The following CMTR1 variants were observed in gnomAD, a reference collection of about 807,000 sequenced individuals.
CMTR1 encodes the protein cap methyltransferase 1.
In CMTR1, 39 loss-of-function variants were observed where a neutral mutation model predicts 107.0. The ratio of observed to expected loss-of-function variants is 0.36; its 90% CI spans 0.28 to 0.48. CMTR1 has a LOEUF of 0.48. Ranked by LOEUF, CMTR1 falls within the 20% of genes least tolerant of loss-of-function variation. CMTR1 has a pLI of 0.99. For missense variants in CMTR1, 672 were observed against 1,064.9 expected (o/e 0.63, Z 5.14); for synonymous variants, 366 against 379.5 (o/e 0.96, Z 0.41).
chr6:37,475,397 A>C lies in CMTR1; in HGVS notation c.2021A>C (p.Gln674Pro), dbSNP rs751586820. The change falls in exon 19 of 24, where the codon CAG becomes CCG. Residue 674 changes from glutamine to proline, a missense_variant. Around this residue, in one of 2 missense-constraint regions of CMTR1, gnomAD observed 583 missense variants for 968.4 expected, o/e 0.60. Coordinates refer to ENST00000373451, the MANE Select transcript of CMTR1 (RefSeq NM_015050.3). Reference protein sequence around the residue: ...LVLNGTDVREQHFNQRIQLAE... With the variant: ...LVLNGTDVREPHFNQRIQLAE... Reference sequence around the variant, plus strand: ...CTGAATGGCACCGACGTTCGGGAGCAGCACTTTAACCAGCGGTCTGACCTG... The same window carrying C: ...CTGAATGGCACCGACGTTCGGGAGCCGCACTTTAACCAGCGGTCTGACCTG... 1 of 1,609,018 alleles carries C rather than the reference A, an allele frequency of 6.2e-7. No homozygotes were observed. The highest frequency in any genetic ancestry group is 1.1e-5 in the South Asian group (1 of 90,922).
chr6:37,461,625 C>T lies in CMTR1; in HGVS notation c.1172C>T (p.Ala391Val), dbSNP rs759199278. 7 of 1,609,658 alleles carry T rather than the reference C, an allele frequency of 4.3e-6. No homozygotes were observed. The highest frequency in any genetic ancestry group is 1.1e-5 in the South Asian group (1 of 90,732). Residue 391 changes from alanine to valine, a missense_variant, in exon 11 of 24, where the codon GCG becomes GTG. Transcript: ENST00000373451. ...KQLLLCQFLM[A>V]LSIVRTGGHF... ...CTGCTTCTGTGTCAGTTCCTCATGG[C>T]GCTGTCCATTGTCCGGACAGGTGAC...
chr6:37,477,651 G>C lies in CMTR1; in HGVS notation c.2153+12G>C. The C allele has an allele frequency of 6.2e-7, 1 of 1,610,552 alleles. No homozygotes were observed. The highest frequency in any genetic ancestry group is 8.5e-7 in the Non-Finnish European group (1 of 1,177,484). ...AAGATTTTTGTCAGGTGAGTGACTTGACCGGTGAAGCTCAGATTCAAGAGG... is the reference window on the plus strand; with the variant it reads ...AAGATTTTTGTCAGGTGAGTGACTTCACCGGTGAAGCTCAGATTCAAGAGG... On this transcript the variant is annotated intron_variant, in intron 21 of 23. Coordinates refer to ENST00000373451, the MANE Select transcript of CMTR1 (RefSeq NM_015050.3).
intron 13 of CMTR1, among the ~76,000 whole-genome samples, chr6:37,469,220 GTT>G (rs1761574141): frequency 6.6e-6 from 1 of 151,916 alleles, no homozygotes; most frequent in Non-Finnish European, 1.5e-5. Context: ...GGAATTTGAG[GTT>G]GATGTTTTTT....
chr6:37,449,648 G>C (rs970234647), intron 4 of CMTR1, among the ~76,000 whole-genome samples: 3 of 152,286 alleles, frequency 2.0e-5, no homozygotes, highest in East Asian at 3.9e-4. Flanking sequence ...TGATCCTAAT[G>C]CACCGTTTTG....
intron 3 of CMTR1, 39 bp from the exon 4 acceptor site, chr6:37,446,252 G>T: frequency 6.2e-7 from 1 of 1,606,776 alleles, no homozygotes; most frequent in Non-Finnish European, 8.5e-7. Context: ...AATGTCTGTT[G>T]AACCTAATTA....
chr6:37,436,908 T>A (rs1383069524), intron 2 of CMTR1, among the ~76,000 whole-genome samples: 1 of 152,152 alleles, frequency 6.6e-6, no homozygotes, highest in African/African-American at 2.4e-5. Context: ...ACTGAAAGGG[T>A]GTGAAGCACC....
At position 37,466,351 on chromosome 6, in the gene CMTR1, G is replaced by GTC. The variant is rs200578736; in HGVS notation, c.1505+3346_1505+3347dup. ...TGGTCTCGATCTCTTGGCCAGGATG[G>GTC]TCTCAATCTCTTGACTTCGTGATCC... On this transcript the variant is annotated intron_variant, in intron 13 of 23. Transcript: ENST00000373451. Among the ~76,000 whole-genome samples the GTC allele has an allele frequency of 1.6e-3, 236 of 152,160 alleles. 4 individuals are homozygous for GTC. The East Asian group carries it at 0.037, about 24-fold the overall frequency.
chr6:37,425,678 G>A, the CMTR1 span, among the ~76,000 whole-genome samples: 2 of 152,128 alleles, frequency 1.3e-5, no homozygotes, highest in Non-Finnish European at 2.9e-5. Context: ...GTGGTCATTT[G>A]TATGTGAAGA....
At position 37,463,019 on chromosome 6, in the gene CMTR1, G is replaced by A. The variant is rs1231151151; in HGVS notation, c.1505+11G>A. The A allele has an allele frequency of 8.7e-6, 14 of 1,612,118 alleles. No individual in the cohort carries two copies. The highest frequency in any genetic ancestry group is 4.5e-5 in the East Asian group (2 of 44,850). On this transcript the variant is annotated intron_variant, in intron 13 of 23. Coordinates refer to ENST00000373451, the MANE Select transcript of CMTR1 (RefSeq NM_015050.3). ...ACGGTCCAATGAGAGGTAAGCCAAC[G>A]GGCTGGTTTTTGCTGGTAACACTGA...
At chr6:37,438,296 C>T (rs1261514172) in intron 2 of CMTR1, among the ~76,000 whole-genome samples, 1 of 152,066 alleles carries the variant, frequency 6.6e-6, no homozygotes, top group Non-Finnish European at 1.5e-5. Context: ...GGGAGGATCA[C>T]TTGAGCCTAG....
intron 4 of CMTR1, 128 bp downstream of exon 4, chr6:37,446,577 G>T (rs936703693): frequency 1.0e-5 from 11 of 1,093,560 alleles, no homozygotes; most frequent in Admixed American, 2.4e-5. Flanking sequence ...AGTTTTTTAC[G>T]TGGAAAGTAC....
chr6:37,426,009 T>A, the CMTR1 span, among the ~76,000 whole-genome samples: 1 of 152,200 alleles, frequency 6.6e-6, no homozygotes, highest in African/African-American at 2.4e-5. Flanking sequence ...ATAATTAACA[T>A]TGTCCTATCT....
rs971484263 is a variant in CMTR1 at position 37,472,679 on chromosome 6, A to G, written c.1689+192A>G. On this transcript the variant is annotated intron_variant, in intron 16 of 23. Coordinates refer to ENST00000373451, the MANE Select transcript of CMTR1 (RefSeq NM_015050.3). This position sits in a 1 kb window ranked among gnomAD's most constrained non-coding sequence, Gnocchi z 4.1. ...AGGGTGTTGAATTCCCCAAGAGCAC[A>G]GTCAGGCCAACGGAAGATTCTCATG... Among the ~76,000 whole-genome samples, 5 of 152,256 alleles carry G rather than the reference A, an allele frequency of 3.3e-5. No individual in the cohort carries two copies. Among genetic ancestry groups the G allele is most frequent in the African/African-American group, 1.2e-4 (5 of 41,464 alleles).
At position 37,480,228 on chromosome 6, in the gene CMTR1, C is replaced by T. The variant is rs1581758610; in HGVS notation, c.*83C>T. On this transcript the variant is annotated 3_prime_UTR_variant, in exon 24 of 24. Transcript: ENST00000373451. ...CTGGGGCCCACAGTGCTGGCTTCTTCCCCCTCTTGAAAAGGGACTGGGGAG... is the reference window on the plus strand; with the variant it reads ...CTGGGGCCCACAGTGCTGGCTTCTTTCCCCTCTTGAAAAGGGACTGGGGAG... 6.4e-7 allele frequency: 1 copy of T among 1,558,410 alleles called. No individual in the cohort carries two copies. The highest frequency in any genetic ancestry group is 8.6e-7 in the Non-Finnish European group (1 of 1,163,156).
intron 20 of CMTR1, 139 bp downstream of exon 20, chr6:37,476,333 GT>G (rs965839571): frequency 2.4e-6 from 2 of 849,600 alleles, no homozygotes; most frequent in African/African-American, 3.3e-5. Flanking sequence ...CATGAAGTTT[GT>G]TTGGGGGTGC....
chr6:37,467,599 T>G (rs1761534072), intron 13 of CMTR1, among the ~76,000 whole-genome samples: 1 of 152,250 alleles, frequency 6.6e-6, no homozygotes, highest in Admixed American at 6.5e-5. Flanking sequence ...GTCTGTGTCT[T>G]CTGTTAGTTT....
chr6:37,450,973 A>G (rs1367363735), intron 5 of CMTR1, among the ~76,000 whole-genome samples: 2 of 152,210 alleles, frequency 1.3e-5, no homozygotes, highest in African/African-American at 2.4e-5. Flanking sequence ...TGAAAAAGCA[A>G]AGAGGAAAAT....
chr6:37,437,473 G>A (rs2113862317), intron 2 of CMTR1, among the ~76,000 whole-genome samples: 1 of 143,420 alleles, frequency 7.0e-6, no homozygotes, highest in African/African-American at 2.6e-5. Flanking sequence ...CTTGCAGTGA[G>A]CCGAGATTGT....
At chr6:37,456,827 A>G (rs1434144591) in intron 8 of CMTR1, among the ~76,000 whole-genome samples, 1 of 152,184 alleles carries the variant, frequency 6.6e-6, no homozygotes, top group Non-Finnish European at 1.5e-5. Context: ...TTCACTGTCT[A>G]GGGCTCAGGT....
Sources: allele counts gnomAD v4.1 joint callset (sites outside exome capture counted in the v4.1 genomes callset), GRCh38; gene constraint gnomAD v4.1.1; regional missense constraint gnomAD v4.1.1; non-coding constraint Gnocchi (gnomAD v3.1); transcripts MANE v1.5; gene names NCBI Gene and HGNC (gene_info 2026-07-23, HGNC 2026-07-21).